The following GOLIM4 variants were observed in gnomAD, a reference collection of about 807,000 sequenced individuals.
GOLIM4 encodes the protein golgi integral membrane protein 4.
Under a neutral mutation model 107.4 loss-of-function variants are expected in GOLIM4, and 71 were observed. The ratio of observed to expected loss-of-function variants is 0.66; its 90% CI spans 0.55 to 0.81. The LOEUF (loss-of-function observed/expected upper bound fraction) is 0.81, where lower values mean the gene tolerates loss of function less well. GOLIM4 is among the 30% of genes least tolerant of loss of function. The pLI, the probability that GOLIM4 is intolerant of heterozygous loss-of-function variation, is 0.00. For missense variants in GOLIM4, 830 were observed against 826.1 expected (o/e 1.00, Z -0.06); for synonymous variants, 327 against 294.8 (o/e 1.11, Z -1.12).
chr3:168,093,517 C>A (rs2108300246), intron 1 of GOLIM4, among the ~76,000 whole-genome samples: 1 of 152,304 alleles, frequency 6.6e-6, no homozygotes, highest in Middle Eastern at 3.4e-3. Context: ...CCCCTTCCAG[C>A]CATGTTTATG....
Position 168,041,370 on chromosome 3 carries a change from G to A in GOLIM4, c.600+22C>T, listed in dbSNP as rs769654097. On this transcript the variant is annotated intron_variant, in intron 6 of 15. Coordinates refer to ENST00000470487, the MANE Select transcript of GOLIM4 (RefSeq NM_014498.5). ...ATAAAGCAGGCAAACACTAAATAGT[G>A]AAACGTTTGGTTTTCTTTTACCTTG... 22 of 1,412,136 alleles carry A rather than the reference G, an allele frequency of 1.6e-5. 1 individual carries two copies. In the South Asian group the frequency reaches 2.5e-4, roughly 16 times the overall value. The allele number at this position is 1,412,136 out of a possible 1,614,324, so 87.5% of individuals were successfully genotyped here.
intron 1 of GOLIM4, among the ~76,000 whole-genome samples, chr3:168,071,199 A>G (rs979383208): frequency 1.3e-5 from 2 of 152,214 alleles, no homozygotes; most frequent in Non-Finnish European, 2.9e-5. Flanking sequence ...GTCATGCTAA[A>G]GTAGAGAGAA....
intron 3 of GOLIM4, 52 bp from the exon 4 acceptor site, chr3:168,044,933 T>A (rs776777516): frequency 9.0e-6 from 9 of 1,001,224 alleles, no homozygotes; most frequent in Non-Finnish European, 1.4e-5. Context: ...GGCTCTCTTG[T>A]TAAATACAGC....
intron 1 of GOLIM4, among the ~76,000 whole-genome samples, chr3:168,075,299 T>G (rs891359536): frequency 7.4e-6 from 1 of 135,732 alleles, no homozygotes; most frequent in Admixed American, 7.2e-5. Flanking sequence ...TTTTTTTTTT[T>G]TTTTTTTTTT....
intron 1 of GOLIM4, among the ~76,000 whole-genome samples, chr3:168,055,519 C>T (rs1255940371): frequency 6.6e-6 from 1 of 151,964 alleles, no homozygotes; most frequent in Admixed American, 6.6e-5. Flanking sequence ...TGACTCAGGG[C>T]CGGGCGCGGT....
At chr3:168,089,583 G>A (rs561003201) in intron 1 of GOLIM4, among the ~76,000 whole-genome samples, 1 of 152,196 alleles carries the variant, frequency 6.6e-6, no homozygotes, top group South Asian at 2.1e-4. Context: ...AAATAAGATA[G>A]CAGAAAATCA....
At position 168,029,801 on chromosome 3, in the gene GOLIM4, G is replaced by T. The variant is rs140959669; in HGVS notation, c.1412C>A (p.Pro471Gln). 6.2e-7 allele frequency: 1 copy of T among 1,613,626 alleles called. No homozygotes were observed. Among genetic ancestry groups the T allele is most frequent in the African/African-American group, 1.3e-5 (1 of 74,890 alleles). The change falls in exon 10 of 16, where the codon CCG becomes CAG. Residue 471 changes from proline to glutamine, a missense_variant. By Grantham distance (76) the Pro-to-Gln change is moderately conservative (BLOSUM62 -1). Coordinates refer to ENST00000470487, the MANE Select transcript of GOLIM4 (RefSeq NM_014498.5). Reference sequence around the variant, plus strand: ...CTACCGGAGCTGCTCCTGGTGCTGCGGCCGGCCCTCCTCAAGCTCAGCCTG... The same window carrying T: ...CTACCGGAGCTGCTCCTGGTGCTGCTGCCGGCCCTCCTCAAGCTCAGCCTG... ...QRQAELEEGR[P>Q]QHQEQLRQQA...
chr3:168,034,067 T>C (rs1718503571), intron 8 of GOLIM4, among the ~76,000 whole-genome samples: 1 of 152,228 alleles, frequency 6.6e-6, no homozygotes. Context: ...GATATAATTA[T>C]CAAATCTGAG....
chr3:168,066,571 T>C (rs1720557486), intron 1 of GOLIM4, among the ~76,000 whole-genome samples: 1 of 152,186 alleles, frequency 6.6e-6, no homozygotes, highest in Non-Finnish European at 1.5e-5. Flanking sequence ...TGAGGTAAAG[T>C]ATACTTGTAG....
At chr3:168,089,466 T>C (rs1474684310) in intron 1 of GOLIM4, among the ~76,000 whole-genome samples, 2 of 152,228 alleles carry the variant, frequency 1.3e-5, no homozygotes, top group Admixed American at 6.5e-5. Flanking sequence ...CTAACACTAT[T>C]GATTCTCAAG....
At chr3:168,051,605 C>A (rs1719651252) in intron 1 of GOLIM4, among the ~76,000 whole-genome samples, 1 of 151,942 alleles carries the variant, frequency 6.6e-6, no homozygotes, top group African/African-American at 2.4e-5. Flanking sequence ...TGTATTTTTG[C>A]AAATACAGGA....
intron 14 of GOLIM4, among the ~76,000 whole-genome samples, chr3:168,014,424 G>C (rs1385376937): frequency 1.5e-5 from 2 of 132,542 alleles, no homozygotes; most frequent in Non-Finnish European, 3.1e-5. Flanking sequence ...AAAGAGTCCA[G>C]GACCAGATGG....
intron 14 of GOLIM4, 138 bp downstream of exon 14, chr3:168,024,383 TAAACC>T: frequency 1.5e-6 from 1 of 676,944 alleles, no homozygotes; most frequent in Admixed American, 2.4e-5. Context: ...ATTTTTGCTT[TAAACC>T]ACCCTTTCTT....
intron 2 of GOLIM4, among the ~76,000 whole-genome samples, chr3:168,047,940 C>T (rs968685079): frequency 6.6e-6 from 1 of 151,512 alleles, no homozygotes; most frequent in Non-Finnish European, 1.5e-5. Context: ...GTTACTTCCC[C>T]CCCAACCCCA....
chr3:168,034,950 CT>C (rs1718562664), intron 8 of GOLIM4, among the ~76,000 whole-genome samples: 1 of 148,932 alleles, frequency 6.7e-6, no homozygotes, highest in East Asian at 2.1e-4. Context: ...AAACTTCTTT[CT>C]TTTTTAAATC....
intron 1 of GOLIM4, among the ~76,000 whole-genome samples, chr3:168,053,372 C>T (rs545512988): frequency 1.2e-3 from 177 of 152,202 alleles, no homozygotes; most frequent in South Asian, 2.7e-3. Context: ...TGTTTTTGGT[C>T]CCGACTATAA....
At chr3:168,075,366 G>A (rs1351101384) in intron 1 of GOLIM4, among the ~76,000 whole-genome samples, 6 of 133,620 alleles carry the variant, frequency 4.5e-5, no homozygotes, top group Admixed American at 3.4e-4. Context: ...GCGGGATCTC[G>A]GCTCACTGCA....
In GOLIM4 at chr3:168,048,331, G is replaced by A; in HGVS notation, c.222C>T (p.Ser74=). Residue 74 remains serine, a synonymous_variant, in exon 2 of 16, where the codon TCC becomes TCT. Coordinates refer to ENST00000470487, the MANE Select transcript of GOLIM4 (RefSeq NM_014498.5). ...VYEHRSRLEK[S]LQKERLEHKK... ...TATGTTCAAGTCTTTCTTTTTGCAA[G>A]GATTTCTCTAATCTTGATCTGTGTT... is the stretch of plus-strand genomic sequence containing the variant. The A allele has an allele frequency of 6.5e-7, 1 of 1,539,756 alleles. No individual in the cohort carries two copies. The highest frequency in any genetic ancestry group is 8.9e-7 in the Non-Finnish European group (1 of 1,120,302).
At chr3:168,070,399 A>C (rs997772296) in intron 1 of GOLIM4, among the ~76,000 whole-genome samples, 2 of 152,322 alleles carry the variant, frequency 1.3e-5, no homozygotes, top group Admixed American at 1.3e-4. Context: ...TCTCAAAAAC[A>C]AAACAAACAA....
Sources: allele counts gnomAD v4.1 joint callset (sites outside exome capture counted in the v4.1 genomes callset), GRCh38; gene constraint gnomAD v4.1.1; transcripts MANE v1.5; gene names NCBI Gene and HGNC (gene_info 2026-07-23, HGNC 2026-07-21).